The following SRRM4 variants were observed in gnomAD, a reference collection of about 807,000 sequenced individuals.
The protein encoded by SRRM4 is serine/arginine repetitive matrix protein 4.
Under a neutral mutation model 68.9 loss-of-function variants are expected in SRRM4, and 33 were observed. The observed-to-expected ratio is 0.48, with a 90% CI of 0.36 to 0.64. SRRM4 has a LOEUF of 0.64. Ranked by LOEUF, SRRM4 falls within the 30% of genes least tolerant of loss-of-function variation. The pLI is 0.00. For missense variants in SRRM4, 817 were observed against 827.1 expected (o/e 0.99, Z 0.15); for synonymous variants, 318 against 318.8 (o/e 1.00, Z 0.03).
At chr12:119,011,527 C>T (rs987272248) in intron 1 of SRRM4, among the ~76,000 whole-genome samples, 2 of 152,218 alleles carry the variant, frequency 1.3e-5, no homozygotes, top group East Asian at 3.8e-4. Flanking sequence ...ACATTTCCAT[C>T]TACCCCTAGA....
chr12:119,091,062 AGCG>A (rs781187570), intron 1 of SRRM4, among the ~76,000 whole-genome samples: 7 of 152,196 alleles, frequency 4.6e-5, no homozygotes, highest in Non-Finnish European at 1.0e-4. Context: ...AGATTTCAGC[AGCG>A]GCTTACTGTC....
At chr12:119,022,288 T>C (rs1953521175) in intron 1 of SRRM4, among the ~76,000 whole-genome samples, 1 of 152,218 alleles carries the variant, frequency 6.6e-6, no homozygotes, top group African/African-American at 2.4e-5. Context: ...CATTTTTTGG[T>C]TACTTCAAAC....
intron 1 of SRRM4, chr12:118,991,931 G>A (rs1953319296): frequency 6.6e-6 from 1 of 152,172 alleles, no homozygotes; most frequent in Non-Finnish European, 1.5e-5. Context: ...AGAGCTAACA[G>A]GACCTTAGGG....
At chr12:118,982,673 T>TA (rs1953256081) in intron 1 of SRRM4, among the ~76,000 whole-genome samples, 6 of 78,144 alleles carry the variant, frequency 7.7e-5, no homozygotes, top group African/African-American at 2.7e-4. Context: ...TATTTTGTTT[T>TA]TTTTTGTTTT....
intron 1 of SRRM4, among the ~76,000 whole-genome samples, chr12:119,097,299 G>A (rs1245600810): frequency 6.6e-6 from 1 of 152,202 alleles, no homozygotes; most frequent in South Asian, 2.1e-4. Context: ...TGATTCCACT[G>A]CAGCGTTGAG....
At chr12:119,000,923 T>C (rs912517160) in intron 1 of SRRM4, 12 of 152,152 alleles carry the variant, frequency 7.9e-5, no homozygotes. Context: ...AGGAAAGTGG[T>C]CTCTGGCCAT....
intron 7 of SRRM4, among the ~76,000 whole-genome samples, chr12:119,128,486 C>T (rs962310466): frequency 3.3e-5 from 5 of 152,216 alleles, no homozygotes; most frequent in African/African-American, 1.2e-4. Context: ...CTTTTTAACA[C>T]CCCCTTACAG....
At chr12:119,087,197 G>A (rs753057416) in intron 1 of SRRM4, among the ~76,000 whole-genome samples, 5 of 152,252 alleles carry the variant, frequency 3.3e-5, no homozygotes, top group South Asian at 2.1e-4. Flanking sequence ...TCTAATAATT[G>A]CCATGAGAAT....
chr12:119,015,811 CCT>C (rs1360850845), intron 1 of SRRM4, among the ~76,000 whole-genome samples: 5 of 152,044 alleles, frequency 3.3e-5, no homozygotes, highest in Non-Finnish European at 7.4e-5. Flanking sequence ...TGTCCTTCCC[CCT>C]GATTTCTGCA....
At chr12:119,112,755 G>A (rs748883455) in intron 2 of SRRM4, among the ~76,000 whole-genome samples, 1 of 152,164 alleles carries the variant, frequency 6.6e-6, no homozygotes, top group African/African-American at 2.4e-5. Context: ...TGAACATTGA[G>A]AACACATGGA....
intron 1 of SRRM4, among the ~76,000 whole-genome samples, chr12:119,099,434 G>A (rs892718275): frequency 7.9e-5 from 12 of 151,932 alleles, no homozygotes; most frequent in Non-Finnish European, 1.5e-4. Flanking sequence ...ATGCCCGGCC[G>A]CTCTTCCTTA....
intron 8 of SRRM4, among the ~76,000 whole-genome samples, chr12:119,133,848 A>G (rs1954312012): frequency 6.6e-6 from 1 of 152,234 alleles, no homozygotes; most frequent in Non-Finnish European, 1.5e-5. Flanking sequence ...AGCGAGACAG[A>G]CAAGTTAAAA....
intron 1 of SRRM4, among the ~76,000 whole-genome samples, chr12:119,057,692 C>T (rs950248526): frequency 1.3e-5 from 2 of 152,128 alleles, no homozygotes; most frequent in East Asian, 1.9e-4. Context: ...ATGATTTATA[C>T]TCCTTTGGCT....
Position 119,041,796 on chromosome 12 carries a change from T to C in SRRM4, c.131+59783T>C, listed in dbSNP as rs187721951. Among the ~76,000 whole-genome samples, 203 of 152,284 alleles carry C rather than the reference T, an allele frequency of 1.3e-3. 4 individuals carry two copies. The highest frequency in any genetic ancestry group is 4.7e-3 in the African/African-American group (195 of 41,568). The stretch of plus-strand genomic sequence containing the variant: ...TAGAGAGGGAACAGTGGGACACAGG[T>C]GATTAGATGCTCTGGATGGTGGTCA... On this transcript the variant is annotated intron_variant, in intron 1 of 12. Transcript: ENST00000267260.
chr12:119,141,709 G>T (rs1954366406), intron 8 of SRRM4, among the ~76,000 whole-genome samples: 2 of 152,204 alleles, frequency 1.3e-5, no homozygotes, highest in African/African-American at 4.8e-5. Context: ...GCCAGGCATT[G>T]GTGAATGCTG....
intron 1 of SRRM4, among the ~76,000 whole-genome samples, chr12:119,009,769 G>T (rs956666072): frequency 3.3e-5 from 5 of 152,190 alleles, no homozygotes; most frequent in Non-Finnish European, 5.9e-5. Context: ...GGATACAAGA[G>T]AATGCATGAT....
At chr12:119,155,207 G>T (rs1159959453) in intron 12 of SRRM4, among the ~76,000 whole-genome samples, 57 of 152,240 alleles carry the variant, frequency 3.7e-4, no homozygotes, top group Admixed American at 3.7e-3. Flanking sequence ...GAAGAGAAAA[G>T]CTCTAGCAGA....
chr12:119,102,330 A>T lies in SRRM4; in HGVS notation c.226A>T (p.Ser76Cys). The T allele has an allele frequency of 6.2e-7, 1 of 1,613,596 alleles. No individual in the cohort carries two copies. The highest frequency in any genetic ancestry group is 8.5e-7 in the Non-Finnish European group (1 of 1,179,714). Residue 76 changes from serine to cysteine, a missense_variant, in exon 2 of 13, where the codon AGT becomes TGT. Coordinates refer to ENST00000267260, the MANE Select transcript of SRRM4 (RefSeq NM_194286.4). ...HLATEPLGTNSWERDKTCREL... is the reference protein window; with the variant it reads ...HLATEPLGTNCWERDKTCREL... ...GGCCACCGAGCCCTTGGGCACCAAC[A>T]GTTGGGAGAGAGACAAGACCTGTCG...
At chr12:119,062,571 T>A (rs1370886450) in intron 1 of SRRM4, among the ~76,000 whole-genome samples, 1 of 152,214 alleles carries the variant, frequency 6.6e-6, no homozygotes, top group Non-Finnish European at 1.5e-5. Context: ...ATTAAAAAAA[T>A]TTCTTTTTAC....
Sources: allele counts gnomAD v4.1 joint callset (sites outside exome capture counted in the v4.1 genomes callset), GRCh38; gene constraint gnomAD v4.1.1; transcripts MANE v1.5; gene names NCBI Gene and HGNC (gene_info 2026-07-23, HGNC 2026-07-21).